Variants in PLB1 observed in about 807,000 individuals in gnomAD.
The protein encoded by PLB1 is phospholipase B1, membrane-associated.
A neutral mutation model predicts 227.4 loss-of-function variants in PLB1; 242 were observed. That is an observed-to-expected ratio of 1.06 (90% CI 0.96 to 1.18). PLB1 has a LOEUF of 1.18. PLB1 is among the 50% of genes most tolerant of loss of function. PLB1 has a pLI of 0.00. For missense variants in PLB1, 1,858 were observed against 1,816.3 expected, an observed-to-expected ratio of 1.02 and a Z score of -0.42; for synonymous variants, 757 against 682.2, an observed-to-expected ratio of 1.11 and a Z score of -1.71.
intron 25 of PLB1, among the ~76,000 whole-genome samples, chr2:28,582,943 A>G (rs1464478873): frequency 6.6e-6 from 1 of 152,102 alleles, no homozygotes; most frequent in East Asian, 1.9e-4. Flanking sequence ...TGGGTGTTCC[A>G]TGTAAAGCAT....
At position 28,598,034 on chromosome 2, in the gene PLB1, T is replaced by C; in HGVS notation, c.2351T>C (p.Val784Ala). 6.2e-7 allele frequency: 1 copy of C among 1,613,268 alleles called. No homozygotes were observed. Among genetic ancestry groups the C allele is most frequent in the Non-Finnish European group, 8.5e-7 (1 of 1,179,352 alleles). Residue 784 changes from valine (V) to alanine (A), a missense_variant, in exon 34 of 58, where the codon GTG (valine) becomes GCG (alanine). Coordinates refer to ENST00000327757, the MANE Select transcript of PLB1 (RefSeq NM_153021.5). ...GGAGGGGACGGCTCCCTGGAGAATG[T>C]GACCACCTTACCTAGTAAGTAACCA... ...SAGGDGSLEN[V>A]TTLPNILREF...
At chr2:28,596,795 TTC>T (rs760237888) in intron 33 of PLB1, among the ~76,000 whole-genome samples, 1 of 152,236 alleles carries the variant, frequency 6.6e-6, no homozygotes, top group Non-Finnish European at 1.5e-5. Context: ...GGCATCTGCC[TTC>T]TCTCTACCAC....
At chr2:28,626,585 C>A in intron 51 of PLB1, 77 bp downstream of exon 51, 1 of 1,324,658 alleles carries the variant, frequency 7.5e-7, no homozygotes, top group Non-Finnish European at 1.1e-6. Flanking sequence ...CCATCCATCC[C>A]TGGCCCTGCC....
At chr2:28,505,519 G>A (rs1667545954) in intron 1 of PLB1, among the ~76,000 whole-genome samples, 1 of 152,156 alleles carries the variant, frequency 6.6e-6, no homozygotes, top group Admixed American at 6.5e-5. Context: ...AGATTGTCAT[G>A]CCTGTGGGAA....
chr2:28,501,301 T>G (rs553548528), intron 1 of PLB1, among the ~76,000 whole-genome samples: 73 of 152,212 alleles, frequency 4.8e-4, no homozygotes, highest in Non-Finnish European at 1.0e-3. Context: ...AGTACTGGAA[T>G]TGCTATGACA....
At chr2:28,568,125 G>C (rs931063057) in intron 20 of PLB1, among the ~76,000 whole-genome samples, 1 of 152,210 alleles carries the variant, frequency 6.6e-6, no homozygotes, top group Non-Finnish European at 1.5e-5. Flanking sequence ...TAGGTAGACA[G>C]GGTTCTGTGC....
At chr2:28,520,722 C>G (rs1213561127) in intron 4 of PLB1, among the ~76,000 whole-genome samples, 1 of 152,106 alleles carries the variant, frequency 6.6e-6, no homozygotes, top group East Asian at 1.9e-4. Context: ...CCTGTAATCC[C>G]AGCATTTTGG....
rs1299177611 is a variant in PLB1 at position 28,630,649 on chromosome 2, G to GA, written c.3884dup (p.Asn1295LysfsTer21). On this transcript the variant is annotated frameshift_variant, in exon 54 of 58. Coordinates refer to ENST00000327757, the MANE Select transcript of PLB1 (RefSeq NM_153021.5). LOFTEE classifies it high-confidence loss of function. ...TGGAGAAGCAAGAACTGAAGAAAGTGAACTGGAACCTCCAGGTAAGCCCTG... is the reference window on the plus strand; with the variant it reads ...TGGAGAAGCAAGAACTGAAGAAAGTGAAACTGGAACCTCCAGGTAAGCCCTG... 1 of 1,612,516 alleles carries GA rather than the reference G, an allele frequency of 6.2e-7. No homozygotes were observed. The highest frequency in any genetic ancestry group is 1.3e-5 in the African/African-American group (1 of 74,890).
At chr2:28,632,008 G>A in intron 54 of PLB1, 28 bp from the exon 55 acceptor site, 1 of 1,589,910 alleles carries the variant, frequency 6.3e-7, no homozygotes, top group Non-Finnish European at 8.6e-7. Context: ...TGCCAGGAGG[G>A]TTGAGCAGCT....
At chr2:28,633,809 A>C (rs562037938) in intron 56 of PLB1, among the ~76,000 whole-genome samples, 17 of 152,222 alleles carry the variant, frequency 1.1e-4, no homozygotes, top group Admixed American at 7.2e-4. Context: ...TTCCCAACCC[A>C]ATGGTTTCTT....
In PLB1 at chr2:28,585,937, C is replaced by T. The variant is rs368846692; in HGVS notation, c.1815+95C>T. The T allele has an allele frequency of 6.9e-5, 79 of 1,150,530 alleles. No individual in the cohort carries two copies. The East Asian group carries it at 7.8e-4, about 11-fold the overall frequency. 71.3% of individuals were successfully genotyped at this position (1,150,530 alleles called of 1,614,324 possible). A position where few individuals can be genotyped will look rare whatever the true frequency, so the allele number is the denominator to read the frequency against. On this transcript the variant is annotated intron_variant, in intron 26 of 57. Transcript: ENST00000327757. ...AGTCAGTGCTTAGGTAATTTTGACCCTGTGTGGGGGATGACCACTGACTAG... is the reference window on the plus strand; with the variant it reads ...AGTCAGTGCTTAGGTAATTTTGACCTTGTGTGGGGGATGACCACTGACTAG...
chr2:28,552,835 A>T, intron 16 of PLB1, 93 bp from the exon 17 acceptor site: 2 of 996,034 alleles, frequency 2.0e-6, no homozygotes, highest in Non-Finnish European at 3.2e-6. Flanking sequence ...ACTTTATCTT[A>T]AATGATGTTT....
At chr2:28,592,467 G>T (rs1362980547) in intron 31 of PLB1, among the ~76,000 whole-genome samples, 194 bp from the exon 32 acceptor site, 20 of 151,364 alleles carry the variant, frequency 1.3e-4, no homozygotes. Context: ...TTCCCTGTAG[G>T]TCCAGGATTA....
Position 28,540,362 on chromosome 2 carries a change from G to A in PLB1, c.699-4G>A. 6.2e-7 allele frequency: 1 copy of A among 1,613,740 alleles called. No homozygotes were observed. The highest frequency in any genetic ancestry group is 8.5e-7 in the Non-Finnish European group (1 of 1,179,790). ...TCTCATTCCTGGTGTGTTTTAACCTGCAGCCCTGCACCAGAGCCCTGTAAT... is the reference window on the plus strand; with the variant it reads ...TCTCATTCCTGGTGTGTTTTAACCTACAGCCCTGCACCAGAGCCCTGTAAT... On this transcript the variant is annotated splice_region_variant and splice_polypyrimidine_tract_variant and intron_variant, in intron 11 of 57. Coordinates refer to ENST00000327757, the MANE Select transcript of PLB1 (RefSeq NM_153021.5).
chr2:28,508,148 C>A (rs1667837017), intron 1 of PLB1, among the ~76,000 whole-genome samples: 1 of 152,206 alleles, frequency 6.6e-6, no homozygotes, highest in Non-Finnish European at 1.5e-5. Flanking sequence ...ACTTTGGTCT[C>A]AGGGAAAGCG....
At chr2:28,631,035 T>A (rs2148340503) in intron 54 of PLB1, among the ~76,000 whole-genome samples, 1 of 151,956 alleles carries the variant, frequency 6.6e-6, no homozygotes, top group East Asian at 1.9e-4. Flanking sequence ...ACGTCTGGTG[T>A]CCCAGCTACT....
chr2:28,503,272 G>C (rs1667300352), intron 1 of PLB1, among the ~76,000 whole-genome samples: 1 of 151,538 alleles, frequency 6.6e-6, no homozygotes, highest in African/African-American at 2.4e-5. Context: ...CTCTCTCCAG[G>C]CTCCCAAGTA....
chr2:28,591,608 T>G lies in PLB1; in HGVS notation c.2128-92T>G, dbSNP rs551002527. The G allele has an allele frequency of 6.7e-5, 89 of 1,331,272 alleles. 1 individual carries two copies. In the South Asian group the frequency reaches 1.1e-3, roughly 16 times the overall value. 82.5% of individuals were successfully genotyped at this position (1,331,272 alleles called of 1,614,324 possible). On this transcript the variant is annotated intron_variant, in intron 30 of 57. Coordinates refer to ENST00000327757, the MANE Select transcript of PLB1 (RefSeq NM_153021.5). ...TCCCTAGGAGTAGGACCCAGGAATC[T>G]GTATTTTTCAAAGTTCTTGGGGTAC...
chr2:28,560,900 A>G (rs1675954238), intron 17 of PLB1, among the ~76,000 whole-genome samples: 1 of 152,204 alleles, frequency 6.6e-6, no homozygotes, highest in African/African-American at 2.4e-5. Flanking sequence ...CATGCAAGCC[A>G]AACTGTGACT....
Sources: gnomAD v4.1 joint callset for allele counts (sites outside exome capture counted in the v4.1 genomes callset) on GRCh38, gnomAD v4.1.1 for gene constraint, MANE v1.5 for transcripts, NCBI Gene and HGNC (gene_info 2026-07-23, HGNC 2026-07-21) for gene names.